ATG5: variants seen among roughly 807,000 people sequenced by gnomAD.
ATG5 encodes autophagy related 5, also known as autophagy protein 5.
ATG5 carries 14 observed loss-of-function variants against 36.5 expected under a neutral mutation model. The observed-to-expected ratio is 0.38, with a 90% CI of 0.25 to 0.60. The LOEUF (loss-of-function observed/expected upper bound fraction) is 0.60. Among genes scored for constraint, ATG5 ranks in the 20% least tolerant of loss-of-function variants. The pLI is 0.60. For synonymous variants in ATG5, 95 were observed against 101.5 expected, an observed-to-expected ratio of 0.94 and a Z score of 0.38; for missense variants, 195 against 326.7, an observed-to-expected ratio of 0.60 and a Z score of 3.11.
intron 5 of ATG5, among the ~76,000 whole-genome samples, chr6:106,263,841 G>A (rs866747095): frequency 1.3e-5 from 2 of 149,268 alleles, no homozygotes; most frequent in Non-Finnish European, 3.0e-5. Context: ...AAGGTCATTA[G>A]CCTCCAAGAT....
chr6:106,319,554 C>A (rs1770984835), intron 1 of ATG5, among the ~76,000 whole-genome samples: 1 of 152,166 alleles, frequency 6.6e-6, no homozygotes, highest in South Asian at 2.1e-4. Flanking sequence ...GGTACCCTTA[C>A]CCTAAAGCAG....
chr6:106,246,811 C>T (rs1014746512), intron 6 of ATG5, among the ~76,000 whole-genome samples: 6 of 152,046 alleles, frequency 3.9e-5, no homozygotes, highest in Non-Finnish European at 8.8e-5. Flanking sequence ...GAATGCCTTA[C>T]GGCATGTTAC....
In ATG5 at chr6:106,201,995, C is replaced by T. The variant is rs1320893508; in HGVS notation, c.668G>A (p.Cys223Tyr). The T allele has an allele frequency of 5.0e-6, 8 of 1,611,852 alleles. No individual in the cohort carries two copies. The highest frequency in any genetic ancestry group is 1.7e-4 in the Middle Eastern group (1 of 6,056). Residue 223 changes from cysteine (C) to tyrosine (Y), a missense_variant, in exon 7 of 8, where the codon TGT becomes TAT. Transcript: ENST00000369076. ...ACCTTCAGGATCAATAGCAGAAGGA[C>T]AAACTTCTTTGAGGAGATCTCCTAG... is the stretch of plus-strand genomic sequence containing the variant. The part of the protein sequence containing the change: ...HTLGDLLKEV[C>Y]PSAIDPEDGE...
intron 3 of ATG5, among the ~76,000 whole-genome samples, chr6:106,294,519 G>C (rs1780452972): frequency 6.6e-6 from 1 of 151,766 alleles, no homozygotes; most frequent in Non-Finnish European, 1.5e-5. Context: ...GTATTTATTT[G>C]GTAGGAATTT....
chr6:106,274,507 T>C (rs1779571968), intron 5 of ATG5, among the ~76,000 whole-genome samples: 1 of 152,208 alleles, frequency 6.6e-6, no homozygotes, highest in African/African-American at 2.4e-5. Context: ...CAAGTGCAGT[T>C]CTAAATGAAA....
At chr6:106,287,575 C>T (rs1435518806) in intron 4 of ATG5, among the ~76,000 whole-genome samples, 1 of 152,092 alleles carries the variant, frequency 6.6e-6, no homozygotes. Flanking sequence ...CAAAACGCAC[C>T]AAATCAGCAC....
At chr6:106,202,137 T>A in intron 6 of ATG5, 48 bp from the exon 7 acceptor site, 1 of 1,446,558 alleles carries the variant, frequency 6.9e-7, no homozygotes, top group Non-Finnish European at 9.7e-7. Context: ...TCTTTGTTGC[T>A]GCCAATTACA....
At chr6:106,231,982 C>T (rs374034051) in intron 6 of ATG5, among the ~76,000 whole-genome samples, 1 of 152,082 alleles carries the variant, frequency 6.6e-6, no homozygotes. Flanking sequence ...AAAGATTGTC[C>T]AAATAGAAAT....
At chr6:106,289,137 T>G (rs1780203393) in intron 4 of ATG5, among the ~76,000 whole-genome samples, 1 of 152,154 alleles carries the variant, frequency 6.6e-6, no homozygotes, top group Non-Finnish European at 1.5e-5. Context: ...GACACAAAAT[T>G]GTTACTCAAT....
At chr6:106,276,991 G>A (rs1348705310) in intron 5 of ATG5, among the ~76,000 whole-genome samples, 1 of 152,102 alleles carries the variant, frequency 6.6e-6, no homozygotes, top group African/African-American at 2.4e-5. Context: ...AATGCCAGAT[G>A]TATAAATATG....
intron 3 of ATG5, among the ~76,000 whole-genome samples, chr6:106,298,636 A>G (rs1223497014): frequency 6.6e-6 from 1 of 152,230 alleles, no homozygotes; most frequent in East Asian, 1.9e-4. Flanking sequence ...TTTTTTAAAA[A>G]TAAAAATGAA....
At chr6:106,231,001 C>T (rs912708365) in intron 6 of ATG5, among the ~76,000 whole-genome samples, 1 of 152,042 alleles carries the variant, frequency 6.6e-6, no homozygotes, top group African/African-American at 2.4e-5. Flanking sequence ...CCAGCATCCC[C>T]CAGACTCCTT....
chr6:106,320,616 G>A (rs1771027869), intron 1 of ATG5, among the ~76,000 whole-genome samples: 2 of 137,766 alleles, frequency 1.5e-5, no homozygotes, highest in African/African-American at 6.4e-5. Flanking sequence ...CAAGTCAAAA[G>A]GCTGTTCTGA....
At chr6:106,297,220 T>C (rs1769991607) in intron 3 of ATG5, among the ~76,000 whole-genome samples, 1 of 152,176 alleles carries the variant, frequency 6.6e-6, no homozygotes, top group Non-Finnish European at 1.5e-5. Context: ...CATTTCTTTT[T>C]ACTAAAAGAA....
intron 7 of ATG5, among the ~76,000 whole-genome samples, chr6:106,197,699 T>C (rs930250267): frequency 6.6e-6 from 1 of 152,132 alleles, no homozygotes; most frequent in African/African-American, 2.4e-5. Flanking sequence ...ACACACCAAC[T>C]TCCCTTCAGC....
intron 6 of ATG5, among the ~76,000 whole-genome samples, chr6:106,245,219 T>G (rs1208316910): frequency 6.6e-6 from 1 of 152,228 alleles, no homozygotes; most frequent in African/African-American, 2.4e-5. Flanking sequence ...ATCGGTCACC[T>G]GACTATAGTC....
intron 6 of ATG5, among the ~76,000 whole-genome samples, chr6:106,241,935 TACC>T (rs1471998368): frequency 1.3e-5 from 2 of 151,504 alleles, no homozygotes; most frequent in South Asian, 4.2e-4. Flanking sequence ...ACACACACAC[TACC>T]ACCACCACCA....
At chr6:106,187,808 T>G (rs1408193592) in intron 7 of ATG5, among the ~76,000 whole-genome samples, 1 of 152,136 alleles carries the variant, frequency 6.6e-6, no homozygotes, top group Non-Finnish European at 1.5e-5. Context: ...TAAAGAAATA[T>G]TTAGACTTCC....
intron 3 of ATG5, among the ~76,000 whole-genome samples, chr6:106,297,763 C>T (rs1032362021): frequency 8.8e-6 from 1 of 113,302 alleles, no homozygotes; most frequent in Non-Finnish European, 1.8e-5. Context: ...CACACACACA[C>T]ACATATATAT....
Sources: gnomAD v4.1 joint callset for allele counts (sites outside exome capture counted in the v4.1 genomes callset) on GRCh38, gnomAD v4.1.1 for gene constraint, MANE v1.5 for transcripts, NCBI Gene and HGNC (gene_info 2026-07-23, HGNC 2026-07-21) for gene names.